LGR5: variants seen among roughly 807,000 people sequenced by gnomAD.
The protein encoded by LGR5 is leucine-rich repeat-containing G protein-coupled receptor 5.
LGR5 carries 54 observed loss-of-function variants against 76.7 expected under a neutral mutation model. The ratio of observed to expected loss-of-function variants is 0.70; its 90% CI spans 0.57 to 0.88. The LOEUF (loss-of-function observed/expected upper bound fraction) is 0.88. Among genes scored for constraint, LGR5 ranks in the 40% least tolerant of loss-of-function variants. The probability of loss-of-function intolerance (pLI) is 0.00; values close to 1 mark genes in which losing one functional copy is unlikely to be tolerated. For synonymous variants in LGR5, 406 were observed against 421.9 expected (o/e 0.96, Z 0.46); for missense variants, 1,078 against 1,073.3 (o/e 1.00, Z -0.06).
In LGR5 at chr12:71,526,163, C is replaced by A. The variant is rs150349481; in HGVS notation, c.356+1686C>A. ...AATAAGGGAGTTCTAGATTTTTCAACTTTTTCTTCATTTTTGTATGATATT... is the reference window on the plus strand; with the variant it reads ...AATAAGGGAGTTCTAGATTTTTCAAATTTTTCTTCATTTTTGTATGATATT... On this transcript the variant is annotated intron_variant, in intron 3 of 17. Transcript: ENST00000266674. Among the ~76,000 whole-genome samples, 245 of 152,184 alleles carry A rather than the reference C, an allele frequency of 1.6e-3. 3 individuals carry two copies. In the East Asian group the frequency reaches 0.025, roughly 15 times the overall value.
chr12:71,447,174 A>G lies in LGR5; in HGVS notation c.212+6882A>G, dbSNP rs1363185148. 2.0e-5 allele frequency among the ~76,000 whole-genome samples: 3 copies of G among 152,216 alleles called. No homozygotes were observed. In the South Asian group the frequency reaches 6.2e-4, roughly 32 times the overall value. On this transcript the variant is annotated intron_variant, in intron 1 of 17. Coordinates refer to ENST00000266674, the MANE Select transcript of LGR5 (RefSeq NM_003667.4). ...CAGAATGTTATTCATTTGATTCACA[A>G]TAGAAAATTGTTTCAAAGTTTTATC...
At chr12:71,535,213 T>C (rs530958051) in intron 4 of LGR5, 27 bp downstream of exon 4, 1 of 1,435,596 alleles carries the variant, frequency 7.0e-7, no homozygotes, top group Non-Finnish European at 9.8e-7. Flanking sequence ...TTGCAAAATA[T>C]ATTTAAGATC....
rs776897270 is a variant in LGR5, at chr12:71,561,792, G to A, written c.797G>A (p.Ser266Asn). 2 of 1,599,232 alleles carry A rather than the reference G, an allele frequency of 1.3e-6. No individual in the cohort carries two copies. The highest frequency in any genetic ancestry group is 1.7e-6 in the Non-Finnish European group (2 of 1,170,710). Residue 266 changes from serine to asparagine, a missense_variant, in exon 8 of 18, where the codon AGC becomes AAC. By Grantham distance (46) the Ser-to-Asn change is conservative. Transcript: ENST00000266674. ...TTTTCTCTTTCTAGAGGATTTCATAGCAACAATATCAGGTCGATACCTGAG... is the reference window on the plus strand; with the variant it reads ...TTTTCTCTTTCTAGAGGATTTCATAACAACAATATCAGGTCGATACCTGAG... ...LSNLKELGFH[S>N]NNIRSIPEKA...
rs559136758 is a variant in LGR5 at position 71,532,624 on chromosome 12, A to G, written c.357-2491A>G. Among the ~76,000 whole-genome samples, 218 of 150,670 alleles carry G rather than the reference A, an allele frequency of 1.4e-3. 5 individuals carry two copies. Among genetic ancestry groups the G allele is most frequent in the Admixed American group, 9.2e-4 (14 of 15,190 alleles). On this transcript the variant is annotated intron_variant, in intron 3 of 17. Coordinates refer to ENST00000266674, the MANE Select transcript of LGR5 (RefSeq NM_003667.4). ...ACGTATTTATATACATAAAAGTACT[A>G]TAAATACTTTCATATTTTAATCCTC... is the stretch of plus-strand genomic sequence containing the variant.
intron 1 of LGR5, among the ~76,000 whole-genome samples, chr12:71,486,256 G>A (rs1234100889): frequency 2.0e-5 from 3 of 152,160 alleles, no homozygotes; most frequent in Non-Finnish European, 4.4e-5. Flanking sequence ...ATAAAGTCAG[G>A]TAGATGTTGT....
intron 1 of LGR5, among the ~76,000 whole-genome samples, chr12:71,469,231 T>C (rs1381879385): frequency 2.0e-5 from 3 of 152,232 alleles, no homozygotes; most frequent in Non-Finnish European, 4.4e-5. Flanking sequence ...TTAAAACATT[T>C]CTTCATAGGG....
chr12:71,491,582 T>A (rs1874077811), intron 1 of LGR5, among the ~76,000 whole-genome samples: 1 of 151,828 alleles, frequency 6.6e-6, no homozygotes, highest in African/African-American at 2.4e-5. Context: ...CTATAAATTA[T>A]TTACATATTA....
intron 2 of LGR5, among the ~76,000 whole-genome samples, chr12:71,513,028 A>T (rs1875241965): frequency 6.6e-6 from 1 of 152,204 alleles, no homozygotes; most frequent in South Asian, 2.1e-4. Context: ...GCTGCTTATT[A>T]AAAATGCAGA....
At chr12:71,519,015 A>T (rs1875590971) in intron 2 of LGR5, among the ~76,000 whole-genome samples, 1 of 152,220 alleles carries the variant, frequency 6.6e-6, no homozygotes, top group Non-Finnish European at 1.5e-5. Context: ...GGGTCCCATC[A>T]GAAGGACATT....
In LGR5 at chr12:71,553,108, C is replaced by T; in HGVS notation, c.464C>T (p.Pro155Leu). The T allele has an allele frequency of 1.2e-6, 2 of 1,614,000 alleles. No homozygotes were observed. The highest frequency in any genetic ancestry group is 1.7e-6 in the Non-Finnish European group (2 of 1,179,996). Reference sequence around the variant, plus strand: ...GCTAACCACATCAGCTATGTGCCCCCAAGCTGTTTCAGTGGCCTGCATTCC... The same window carrying T: ...GCTAACCACATCAGCTATGTGCCCCTAAGCTGTTTCAGTGGCCTGCATTCC... ...LDANHISYVP[P>L]SCFSGLHSLR... Residue 155 changes from proline (P) to leucine (L), a missense_variant, in exon 5 of 18, where the codon CCA (proline) becomes CTA (leucine). Transcript: ENST00000266674.
intron 13 of LGR5, among the ~76,000 whole-genome samples, chr12:71,574,107 G>A (rs1039139042): frequency 6.6e-6 from 1 of 151,472 alleles, no homozygotes; most frequent in African/African-American, 2.4e-5. Context: ...TTCGAGACCA[G>A]CCTGGCCAAC....
chr12:71,561,745 A>G (rs573434502), intron 7 of LGR5, 36 bp from the exon 8 acceptor site: 2 of 1,340,856 alleles, frequency 1.5e-6, no homozygotes, highest in South Asian at 1.3e-5. Flanking sequence ...ATTTTACCCC[A>G]CACAGGATTT....
intron 12 of LGR5, 40 bp downstream of exon 12, chr12:71,571,619 G>T (rs1187806807): frequency 7.0e-7 from 1 of 1,427,444 alleles, no homozygotes; most frequent in South Asian, 1.2e-5. Context: ...CAAAAATCAA[G>T]AATCAAAACT....
At chr12:71,523,719 C>A (rs929864022) in intron 2 of LGR5, among the ~76,000 whole-genome samples, 28 of 152,094 alleles carry the variant, frequency 1.8e-4, no homozygotes, top group Non-Finnish European at 5.9e-5. Context: ...CAATTTTTCA[C>A]CTTGGCTATC....
chr12:71,530,582 G>A (rs11178840), intron 3 of LGR5, among the ~76,000 whole-genome samples: 2,825 of 152,198 alleles, frequency 0.019, 99 homozygotes, highest in African/African-American at 0.065. Flanking sequence ...AATATTTAAA[G>A]TTATTTTTCC....
intron 1 of LGR5, among the ~76,000 whole-genome samples, chr12:71,460,734 A>G (rs12314928): frequency 0.06 from 9,128 of 152,136 alleles, 949 homozygotes; most frequent in African/African-American, 0.21. Context: ...TTATTTTCTC[A>G]GGAATCATCC....
chr12:71,556,204 A>T (rs1056026391), intron 5 of LGR5, among the ~76,000 whole-genome samples: 7 of 152,112 alleles, frequency 4.6e-5, no homozygotes, highest in Non-Finnish European at 8.8e-5. Flanking sequence ...GAAGATCAGG[A>T]AAATAACTAA....
At chr12:71,531,817 G>A (rs1876328034) in intron 3 of LGR5, among the ~76,000 whole-genome samples, 2 of 152,106 alleles carry the variant, frequency 1.3e-5, no homozygotes, top group Non-Finnish European at 2.9e-5. Flanking sequence ...GCAGTGAGCC[G>A]AGATCGCACC....
chr12:71,580,239 T>C (rs1233418649), intron 15 of LGR5, 39 bp from the exon 16 acceptor site: 1 of 1,555,816 alleles, frequency 6.4e-7, no homozygotes, highest in Non-Finnish European at 8.7e-7. Context: ...ATTATCCGTT[T>C]CTTTAAGTGT....
Sources: allele counts gnomAD v4.1 joint callset (sites outside exome capture counted in the v4.1 genomes callset), GRCh38; gene constraint gnomAD v4.1.1; transcripts MANE v1.5; gene names NCBI Gene and HGNC (gene_info 2026-07-23, HGNC 2026-07-21).